The following PTPRD variants were observed in gnomAD, a reference collection of about 807,000 sequenced individuals.
PTPRD encodes the protein receptor-type tyrosine-protein phosphatase delta.
In PTPRD, 34 loss-of-function variants were observed where a neutral mutation model predicts 214.5. The ratio of observed to expected loss-of-function variants is 0.16; its 90% confidence interval spans 0.12 to 0.21. The LOEUF is 0.21. Ranked by LOEUF, PTPRD falls within the 10% of genes least tolerant of loss-of-function variation. PTPRD has a pLI of 1.00. For synonymous variants in PTPRD, 1,128 were observed against 845.7 expected (o/e 1.33, Z -5.79); for missense variants, 2,545 against 2,398.7 (o/e 1.06, Z -1.27).
intron 4 of PTPRD, among the ~76,000 whole-genome samples, chr9:10,026,491 A>G (rs1465677524): frequency 6.6e-6 from 1 of 152,228 alleles, no homozygotes; most frequent in African/African-American, 2.4e-5. Context: ...AGTCATGGAA[A>G]TAACTGTTTT....
intron 3 of PTPRD, among the ~76,000 whole-genome samples, chr9:10,268,241 G>A (rs776850858): frequency 1.3e-4 from 20 of 149,978 alleles, no homozygotes; most frequent in Non-Finnish European, 1.8e-4. Context: ...AGTAAGCTAC[G>A]ATCATGCCAC....
At chr9:9,673,929 C>G (rs1426304182) in intron 7 of PTPRD, among the ~76,000 whole-genome samples, 4 of 151,750 alleles carry the variant, frequency 2.6e-5, no homozygotes, top group Admixed American at 2.6e-4. Context: ...GAACACTATA[C>G]TTTCCAAAAC....
chr9:8,396,501 A>G (rs1203733841), intron 36 of PTPRD, among the ~76,000 whole-genome samples: 1 of 151,608 alleles, frequency 6.6e-6, no homozygotes, highest in Non-Finnish European at 1.5e-5. Flanking sequence ...AGTAAGCTGC[A>G]TAGATGTACA....
At chr9:8,806,296 A>C (rs1298334978) in intron 11 of PTPRD, among the ~76,000 whole-genome samples, 2 of 151,968 alleles carry the variant, frequency 1.3e-5, no homozygotes, top group African/African-American at 2.4e-5. Context: ...GCACATATTA[A>C]TGTGTGCATA....
rs186977968 is a variant in PTPRD, at chr9:10,122,201, G to A, written c.-544-88411C>T. On this transcript the variant is annotated intron_variant, in intron 3 of 45. Coordinates refer to ENST00000381196, the MANE Select transcript of PTPRD (RefSeq NM_002839.4). ...TGCTTGCCTGTAATCCCAGCTACTC[G>A]GGAGGCTGAGGCAGGAGAATCACTT... Among the ~76,000 whole-genome samples the A allele has an allele frequency of 9.9e-3, 1,513 of 152,118 alleles. 19 individuals carry two copies. The highest frequency in any genetic ancestry group is 0.015 in the Non-Finnish European group (1,030 of 68,000).
At chr9:8,330,392 T>G (rs558676869) in intron 44 of PTPRD, among the ~76,000 whole-genome samples, 23 of 152,060 alleles carry the variant, frequency 1.5e-4, no homozygotes, top group African/African-American at 5.6e-4. Context: ...TAGTATAAAG[T>G]AAACACAACT....
At chr9:9,323,513 T>G (rs1967812935) in intron 9 of PTPRD, among the ~76,000 whole-genome samples, 1 of 152,174 alleles carries the variant, frequency 6.6e-6, no homozygotes. Flanking sequence ...CCATTTTTAA[T>G]AGTCTATTTT....
At chr9:10,506,676 C>T (rs1467326888) in intron 2 of PTPRD, among the ~76,000 whole-genome samples, 1 of 152,108 alleles carries the variant, frequency 6.6e-6, no homozygotes, top group African/African-American at 2.4e-5. Context: ...CTACTACAAT[C>T]TATTTAGTTG....
chr9:9,919,703 C>T (rs950209487), intron 5 of PTPRD, among the ~76,000 whole-genome samples: 4 of 152,072 alleles, frequency 2.6e-5, no homozygotes, highest in Non-Finnish European at 5.9e-5. Flanking sequence ...CTCATAAATA[C>T]TAAAGAGAAA....
At chr9:10,458,279 A>T (rs558594722) in intron 2 of PTPRD, among the ~76,000 whole-genome samples, 1 of 152,134 alleles carries the variant, frequency 6.6e-6, no homozygotes, top group Non-Finnish European at 1.5e-5. Flanking sequence ...GAAGAACATT[A>T]TTGCAAAAAT....
chr9:9,651,553 G>A lies in PTPRD; in HGVS notation c.-286-76772C>T, dbSNP rs570455106. On this transcript the variant is annotated intron_variant, in intron 7 of 45. Coordinates refer to ENST00000381196, the MANE Select transcript of PTPRD (RefSeq NM_002839.4). Reference sequence around the variant, plus strand: ...GATAATGACCTCCAGCTCCATCCATGTCCTGCAAAGGACATGATTGTGTTC... The same window carrying A: ...GATAATGACCTCCAGCTCCATCCATATCCTGCAAAGGACATGATTGTGTTC... Among the ~76,000 whole-genome samples the A allele has an allele frequency of 5.3e-4, 80 of 152,132 alleles. 1 individual carries two copies. Among genetic ancestry groups the A allele is most frequent in the Admixed American group, 4.8e-3 (73 of 15,292 alleles).
intron 9 of PTPRD, among the ~76,000 whole-genome samples, chr9:9,230,222 G>T (rs144569169): frequency 8.9e-4 from 136 of 152,182 alleles, no homozygotes; most frequent in African/African-American, 3.2e-3. Flanking sequence ...GGGGCGGTTC[G>T]ACAGAAAGAC....
intron 32 of PTPRD, 39 bp from the exon 33 acceptor site, chr9:8,460,610 G>A (rs1316727961): frequency 1.9e-6 from 3 of 1,585,978 alleles, no homozygotes; most frequent in African/African-American, 1.4e-5. Flanking sequence ...ATAAAATAAT[G>A]ACTTTCTAGA....
At chr9:9,518,891 G>A (rs556805064) in intron 8 of PTPRD, among the ~76,000 whole-genome samples, 1 of 152,004 alleles carries the variant, frequency 6.6e-6, no homozygotes, top group African/African-American at 2.4e-5. Context: ...TCCCTCCCTT[G>A]ATTAATTTGC....
intron 14 of PTPRD, among the ~76,000 whole-genome samples, chr9:8,533,809 G>A (rs936098723): frequency 5.3e-5 from 8 of 152,084 alleles, no homozygotes; most frequent in Admixed American, 3.9e-4. Flanking sequence ...TTTTTATGAT[G>A]CTTTGACAAT....
intron 11 of PTPRD, among the ~76,000 whole-genome samples, chr9:9,015,507 A>G (rs990523067): frequency 6.6e-6 from 1 of 152,186 alleles, no homozygotes; most frequent in East Asian, 1.9e-4. Flanking sequence ...TTAGCATATC[A>G]TCAAGAAATA....
At chr9:9,350,294 C>T (rs1052230132) in intron 9 of PTPRD, among the ~76,000 whole-genome samples, 7 of 152,056 alleles carry the variant, frequency 4.6e-5, no homozygotes, top group African/African-American at 1.7e-4. Flanking sequence ...AGCAAATAAG[C>T]AGCCTAACTC....
At chr9:9,289,259 A>T (rs377755130) in intron 9 of PTPRD, among the ~76,000 whole-genome samples, 2 of 151,922 alleles carry the variant, frequency 1.3e-5, no homozygotes, top group South Asian at 2.1e-4. Flanking sequence ...ATACATGTGC[A>T]TGCTAAAGAT....
intron 2 of PTPRD, among the ~76,000 whole-genome samples, chr9:10,344,632 T>C (rs2097029602): frequency 6.6e-6 from 1 of 152,174 alleles, no homozygotes; most frequent in African/African-American, 2.4e-5. Flanking sequence ...AGTATGGCCA[T>C]TTTCACGATA....
Sources: gnomAD v4.1 joint callset for allele counts (sites outside exome capture counted in the v4.1 genomes callset) on GRCh38, gnomAD v4.1.1 for gene constraint, MANE v1.5 for transcripts, NCBI Gene and HGNC (gene_info 2026-07-23, HGNC 2026-07-21) for gene names.